The following BPIFC variants were observed in gnomAD, a reference collection of about 807,000 sequenced individuals.
The protein encoded by BPIFC is BPI fold containing family C.
In BPIFC, 60 loss-of-function variants were observed where a neutral mutation model predicts 57.6. The ratio of observed to expected loss-of-function variants is 1.04; its 90% CI spans 0.85 to 1.29. The LOEUF (loss-of-function observed/expected upper bound fraction) is 1.29, where lower values mean the gene tolerates loss of function less well. Among genes scored for constraint, BPIFC ranks in the 50% most tolerant of loss-of-function variants. The probability of loss-of-function intolerance (pLI) is 0.00; values close to 1 mark genes in which losing one functional copy is unlikely to be tolerated. For synonymous variants in BPIFC, 243 were observed against 224.5 expected (o/e 1.08, Z -0.74); for missense variants, 581 against 600.5 (o/e 0.97, Z 0.34).
rs928456823 is a variant in BPIFC, at chr22:32,413,858, A to G, written c.*445T>C. The G allele has an allele frequency of 6.6e-6, 1 of 152,332 alleles. No individual in the cohort carries two copies. Among genetic ancestry groups the G allele is most frequent in the Non-Finnish European group, 1.5e-5 (1 of 68,120 alleles). The allele number at this position is 152,332 out of a possible 1,614,324, so 9.4% of individuals were successfully genotyped here. Reference sequence around the variant, plus strand: ...AAAAAACCAAGATTGAAGTTGATAGAAAACAATTTTAATTAAACACAGAAG... The same window carrying G: ...AAAAAACCAAGATTGAAGTTGATAGGAAACAATTTTAATTAAACACAGAAG... On this transcript the variant is annotated 3_prime_UTR_variant, in exon 17 of 17. Coordinates refer to ENST00000300399, the MANE Select transcript of BPIFC (RefSeq NM_174932.3).
intron 13 of BPIFC, among the ~76,000 whole-genome samples, chr22:32,423,476 C>T (rs1335120574): frequency 6.6e-6 from 1 of 151,942 alleles, no homozygotes; most frequent in Non-Finnish European, 1.5e-5. Flanking sequence ...TGTTTATATG[C>T]CCAAGCTTGA....
At chr22:32,422,326 A>G (rs374244546) in intron 13 of BPIFC, among the ~76,000 whole-genome samples, 2 of 152,178 alleles carry the variant, frequency 1.3e-5, no homozygotes, top group East Asian at 1.9e-4. Flanking sequence ...AGTCGTTTGT[A>G]GAAGGTAGAG....
chr22:32,448,126 T>C (rs1934782061), intron 4 of BPIFC, among the ~76,000 whole-genome samples: 1 of 151,784 alleles, frequency 6.6e-6, no homozygotes, highest in South Asian at 2.1e-4. Flanking sequence ...TGGAGTGCAG[T>C]GGCACGATCT....
rs140884431 is a variant in BPIFC, at chr22:32,448,565, T to C, written c.246-1225A>G. Among the ~76,000 whole-genome samples, 479 of 152,308 alleles carry C rather than the reference T, an allele frequency of 3.1e-3. 2 individuals carry two copies. The highest frequency in any genetic ancestry group is 0.011 in the African/African-American group (452 of 41,582). On this transcript the variant is annotated intron_variant, in intron 4 of 16. Coordinates refer to ENST00000300399, the MANE Select transcript of BPIFC (RefSeq NM_174932.3). ...AGAGAGTTGACTTCCCCTAGGATTCTCTGGGCTGTCAAAAGGGTAACTAGG... is the reference window on the plus strand; with the variant it reads ...AGAGAGTTGACTTCCCCTAGGATTCCCTGGGCTGTCAAAAGGGTAACTAGG...
intron 14 of BPIFC, among the ~76,000 whole-genome samples, chr22:32,418,193 A>G (rs1933740897): frequency 6.6e-6 from 1 of 152,164 alleles, no homozygotes; most frequent in African/African-American, 2.4e-5. Context: ...AATCTCAGCT[A>G]ATCCTTTCAA....
rs58029060 is a variant in BPIFC, at chr22:32,455,051, A to ATT, written c.125-1550_125-1549dup. Among the ~76,000 whole-genome samples the ATT allele has an allele frequency of 1.4e-3, 183 of 130,704 alleles. 5 individuals are homozygous for ATT. The highest frequency in any genetic ancestry group is 4.3e-3 in the Middle Eastern group (1 of 230). 85.7% of individuals were successfully genotyped at this position (130,704 alleles called of 152,430 possible). On this transcript the variant is annotated intron_variant, in intron 3 of 16. Coordinates refer to ENST00000300399, the MANE Select transcript of BPIFC (RefSeq NM_174932.3). ...TACTATAATTTTCATTTTCATCTCC[A>ATT]TTTTTTTTTTTTTTTTTTGAGACAG...
chr22:32,457,508 C>A, intron 2 of BPIFC, 122 bp from the exon 3 acceptor site: 1 of 1,073,960 alleles, frequency 9.3e-7, no homozygotes, highest in Non-Finnish European at 1.3e-6. Flanking sequence ...ATACATCCAT[C>A]CAATCCATCC....
intron 13 of BPIFC, among the ~76,000 whole-genome samples, chr22:32,429,528 T>TTG (rs1569449457): frequency 1.1e-4 from 15 of 140,170 alleles, no homozygotes; most frequent in Non-Finnish European, 1.5e-4. Flanking sequence ...TTTTTTTTTT[T>TTG]TTTTTTTTCA....
intron 8 of BPIFC, among the ~76,000 whole-genome samples, chr22:32,441,158 T>C (rs1934555456): frequency 6.6e-6 from 1 of 151,822 alleles, no homozygotes; most frequent in Non-Finnish European, 1.5e-5. Context: ...AGCCTCAGGG[T>C]TTTTGTGCCT....
chr22:32,418,154 G>T (rs981577991), intron 14 of BPIFC, among the ~76,000 whole-genome samples: 1 of 152,102 alleles, frequency 6.6e-6, no homozygotes, highest in African/African-American at 2.4e-5. Context: ...CCTTCTATGT[G>T]GTCAGTGTGC....
At chr22:32,424,620 T>G (rs1288262266) in intron 13 of BPIFC, among the ~76,000 whole-genome samples, 1 of 57,800 alleles carries the variant, frequency 1.7e-5, no homozygotes, top group Non-Finnish European at 3.3e-5. Context: ...CTCCTCCTCC[T>G]CCTCCTCCTC....
At chr22:32,455,467 G>A (rs753196421) in intron 3 of BPIFC, among the ~76,000 whole-genome samples, 1 of 152,164 alleles carries the variant, frequency 6.6e-6, no homozygotes, top group African/African-American at 2.4e-5. Flanking sequence ...TTTGTATTGA[G>A]TGCCTGTCTA....
intron 15 of BPIFC, among the ~76,000 whole-genome samples, chr22:32,416,371 C>T (rs1569445557): frequency 6.6e-6 from 1 of 152,206 alleles, no homozygotes; most frequent in Non-Finnish European, 1.5e-5. Context: ...GCGTGAGCCA[C>T]TGAGCCCGGC....
intron 14 of BPIFC, among the ~76,000 whole-genome samples, chr22:32,418,352 C>G (rs1933744151): frequency 1.3e-5 from 2 of 152,326 alleles, no homozygotes; most frequent in South Asian, 4.1e-4. Flanking sequence ...AGCACAGTCA[C>G]ACACACTCTG....
At chr22:32,420,902 G>C (rs1479521955) in intron 13 of BPIFC, among the ~76,000 whole-genome samples, 1 of 152,176 alleles carries the variant, frequency 6.6e-6, no homozygotes, top group African/African-American at 2.4e-5. Flanking sequence ...AGTGAAAATT[G>C]AATGAAATGA....
intron 2 of BPIFC, among the ~76,000 whole-genome samples, chr22:32,460,098 T>C (rs1935131778): frequency 6.6e-6 from 1 of 152,140 alleles, no homozygotes; most frequent in South Asian, 2.1e-4. Flanking sequence ...GCAATGTATA[T>C]AAAGGGACTT....
chr22:32,456,071 T>C (rs544154436), intron 3 of BPIFC, among the ~76,000 whole-genome samples: 1 of 152,368 alleles, frequency 6.6e-6, no homozygotes, highest in Admixed American at 6.5e-5. Context: ...AACTGACATT[T>C]ACAGCCATGT....
At position 32,446,010 on chromosome 22, in the gene BPIFC, T is replaced by G; in HGVS notation, c.375-14A>C. The G allele has an allele frequency of 6.2e-7, 1 of 1,613,050 alleles. No individual in the cohort carries two copies. Among genetic ancestry groups the G allele is most frequent in the Non-Finnish European group, 8.5e-7 (1 of 1,179,316 alleles). On this transcript the variant is annotated splice_polypyrimidine_tract_variant and intron_variant, in intron 5 of 16. Coordinates refer to ENST00000300399, the MANE Select transcript of BPIFC (RefSeq NM_174932.3). ...CCTGTGTCTTGGCTGTTTAAAGAAGTGCAAGGTTATCCAAGCCTGAGTCAG... is the reference window on the plus strand; with the variant it reads ...CCTGTGTCTTGGCTGTTTAAAGAAGGGCAAGGTTATCCAAGCCTGAGTCAG...
rs540763411 is a variant in BPIFC at position 32,449,891 on chromosome 22, T to G, written c.246-2551A>C. Among the ~76,000 whole-genome samples the G allele has an allele frequency of 2.0e-5, 3 of 152,098 alleles. No homozygotes were observed. The South Asian group carries it at 6.2e-4, about 32-fold the overall frequency. The stretch of plus-strand genomic sequence containing the variant: ...CTGGGACTATAGGCGCCCACCACCA[T>G]GCCCGGCTAATTTTTTGTACTTTTA... On this transcript the variant is annotated intron_variant, in intron 4 of 16. Transcript: ENST00000300399.
Sources: allele counts gnomAD v4.1 joint callset (sites outside exome capture counted in the v4.1 genomes callset), GRCh38; gene constraint gnomAD v4.1.1; transcripts MANE v1.5; gene names NCBI Gene and HGNC (gene_info 2026-07-23, HGNC 2026-07-21).